The following SYNPR variants were observed in gnomAD, a reference collection of about 807,000 sequenced individuals.
SYNPR encodes the protein synaptoporin.
Under a neutral mutation model 32.9 loss-of-function variants are expected in SYNPR, and 23 were observed. The observed-to-expected ratio is 0.70, with a 90% CI of 0.50 to 0.99. The LOEUF (loss-of-function observed/expected upper bound fraction) is 0.99, where lower values mean the gene tolerates loss of function less well. Ranked by LOEUF, SYNPR falls within the 50% of genes least tolerant of loss-of-function variation. The probability of loss-of-function intolerance (pLI) is 0.00; values close to 1 mark genes in which losing one functional copy is unlikely to be tolerated. For synonymous variants in SYNPR, 146 were observed against 135.9 expected (o/e 1.07, Z -0.52); for missense variants, 318 against 349.3 (o/e 0.91, Z 0.71).
At chr3:63,473,753 G>A (rs755519882) in intron 2 of SYNPR, among the ~76,000 whole-genome samples, 18 of 152,172 alleles carry the variant, frequency 1.2e-4, no homozygotes, top group Non-Finnish European at 1.8e-4. Context: ...TCAGCTGAAG[G>A]AGACAGACAG....
At chr3:63,514,498 T>C (rs893979701) in intron 3 of SYNPR, among the ~76,000 whole-genome samples, 4 of 152,186 alleles carry the variant, frequency 2.6e-5, no homozygotes, top group African/African-American at 2.4e-5. Context: ...CCATTTGCTT[T>C]CCTGGGTTTC....
Position 63,455,756 on chromosome 3 carries a change from G to GGGGTGTGT in SYNPR, c.85-25075_85-25074insGGTGTGTG, listed in dbSNP as rs1553637948. Among the ~76,000 whole-genome samples the GGGGTGTGT allele has an allele frequency of 1.9e-4, 27 of 144,380 alleles. 1 individual carries two copies. The highest frequency in any genetic ancestry group is 7.0e-4 in the Admixed American group (10 of 14,214). The allele number at this position is 144,380 out of a possible 152,430, so 94.7% of individuals were successfully genotyped here. On this transcript the variant is annotated intron_variant, in intron 2 of 5. Coordinates refer to ENST00000478300, the MANE Select transcript of SYNPR (RefSeq NM_001130003.2). ...TGCTTCTGTACATAGTCATGTTTGG[G>GGGGTGTGT]GTGTGTGTGTGTGTGTGTGTGTGTG...
At chr3:63,582,044 G>A (rs893474455) in intron 4 of SYNPR, among the ~76,000 whole-genome samples, 2 of 152,062 alleles carry the variant, frequency 1.3e-5, no homozygotes, top group Admixed American at 6.6e-5. Flanking sequence ...TGCATAAACT[G>A]AATGAGAGTG....
chr3:63,389,517 G>T (rs1446842211), intron 2 of SYNPR, among the ~76,000 whole-genome samples: 1 of 152,120 alleles, frequency 6.6e-6, no homozygotes, highest in South Asian at 2.1e-4. Context: ...GTTTTTATTG[G>T]CTCACTTGAG....
chr3:63,357,179 C>T (rs1208025891), intron 2 of SYNPR, among the ~76,000 whole-genome samples: 1 of 152,190 alleles, frequency 6.6e-6, no homozygotes, highest in Admixed American at 6.5e-5. Context: ...CATTTGCTAT[C>T]CCTGTTCATC....
chr3:63,449,886 A>T (rs972426470), intron 2 of SYNPR, among the ~76,000 whole-genome samples: 11 of 152,218 alleles, frequency 7.2e-5, no homozygotes, highest in African/African-American at 2.7e-4. Flanking sequence ...ACAAGTGAAT[A>T]AATGGACATT....
chr3:63,380,398 T>C (rs1390811875), intron 2 of SYNPR, among the ~76,000 whole-genome samples: 3 of 152,228 alleles, frequency 2.0e-5, no homozygotes, highest in African/African-American at 4.8e-5. Flanking sequence ...TGTGAGATGG[T>C]ATCTCACTGT....
At chr3:63,387,209 A>G (rs896711087) in intron 2 of SYNPR, among the ~76,000 whole-genome samples, 1 of 152,164 alleles carries the variant, frequency 6.6e-6, no homozygotes, top group African/African-American at 2.4e-5. Context: ...GACCATTACA[A>G]TTTTCACCAT....
At chr3:63,234,332 G>A (rs1056503631) in intron 1 of SYNPR, among the ~76,000 whole-genome samples, 18 of 152,232 alleles carry the variant, frequency 1.2e-4, no homozygotes, top group African/African-American at 4.1e-4. Context: ...CCCACCACAC[G>A]TGGGAATTCA....
chr3:63,491,295 A>G (rs139868042), intron 3 of SYNPR, among the ~76,000 whole-genome samples: 1 of 152,254 alleles, frequency 6.6e-6, no homozygotes, highest in African/African-American at 2.4e-5. Flanking sequence ...AGGTGGTTCA[A>G]TTACAAAAAG....
At position 63,553,626 on chromosome 3, in the gene SYNPR, T is replaced by C. The variant is rs192247422; in HGVS notation, c.210-2917T>C. Among the ~76,000 whole-genome samples, 3 of 152,332 alleles carry C rather than the reference T, an allele frequency of 2.0e-5. No homozygotes were observed. In the East Asian group the frequency reaches 5.8e-4, roughly 29 times the overall value. ...TAGCCACCCTGACTGGTGTGAGATA[T>C]TATCTCATCATGGTTTTGATTTGCA... On this transcript the variant is annotated intron_variant, in intron 3 of 5. Coordinates refer to ENST00000478300, the MANE Select transcript of SYNPR (RefSeq NM_001130003.2).
the SYNPR span, among the ~76,000 whole-genome samples, chr3:63,206,232 C>G: frequency 3.3e-5 from 5 of 152,266 alleles, no homozygotes; most frequent in East Asian, 9.7e-4. Context: ...TTAAGAACCA[C>G]TTGCTTAGAA....
chr3:63,553,378 G>A (rs1406932099), intron 3 of SYNPR, among the ~76,000 whole-genome samples: 1 of 152,168 alleles, frequency 6.6e-6, no homozygotes, highest in African/African-American at 2.4e-5. Context: ...CTGTGCTATT[G>A]TGAGTAGCAT....
At chr3:63,320,108 C>T (rs552715175) in intron 2 of SYNPR, among the ~76,000 whole-genome samples, 1 of 152,020 alleles carries the variant, frequency 6.6e-6, no homozygotes, top group Admixed American at 6.6e-5. Context: ...CAGCACCATA[C>T]CTGGCTAATT....
chr3:63,333,117 G>GT (rs76401049), intron 2 of SYNPR, among the ~76,000 whole-genome samples: 30 of 151,700 alleles, frequency 2.0e-4, no homozygotes, highest in African/African-American at 6.3e-4. Flanking sequence ...TCAAAAACAG[G>GT]TTTTTTTTCT....
upstream of SYNPR, among the ~76,000 whole-genome samples, chr3:63,277,342 G>C (rs995195758): frequency 2.6e-4 from 39 of 152,122 alleles, no homozygotes; most frequent in African/African-American, 8.9e-4. Flanking sequence ...GAACTCACTT[G>C]TTTGGTTGTT....
chr3:63,346,996 C>G (rs1463085534), intron 2 of SYNPR, among the ~76,000 whole-genome samples: 1 of 152,088 alleles, frequency 6.6e-6, no homozygotes, highest in African/African-American at 2.4e-5. Context: ...CAGCCATATA[C>G]TGTGCTAAAT....
intron 3 of SYNPR, among the ~76,000 whole-genome samples, chr3:63,522,984 A>G (rs1701943510): frequency 6.6e-6 from 1 of 152,118 alleles, no homozygotes; most frequent in Non-Finnish European, 1.5e-5. Context: ...AATATGGGGG[A>G]GCATGAGGAG....
At chr3:63,241,058 T>C (rs1426788467) in intron 1 of SYNPR, among the ~76,000 whole-genome samples, 1 of 152,070 alleles carries the variant, frequency 6.6e-6, no homozygotes, top group Non-Finnish European at 1.5e-5. Flanking sequence ...AAATCCATGC[T>C]TTGCACAGGC....
Sources: allele counts gnomAD v4.1 joint callset (sites outside exome capture counted in the v4.1 genomes callset), GRCh38; gene constraint gnomAD v4.1.1; transcripts MANE v1.5; gene names NCBI Gene and HGNC (gene_info 2026-07-23, HGNC 2026-07-21).